The following TNNI3K variants were observed in gnomAD, a reference collection of about 807,000 sequenced individuals.
TNNI3K encodes the protein TNNI3 interacting kinase, also known as serine/threonine-protein kinase TNNI3K.
In TNNI3K, 140 loss-of-function variants were observed where a neutral mutation model predicts 114.5. The observed-to-expected ratio is 1.22, with a 90% CI of 1.07 to 1.41. The LOEUF is 1.41. Among genes scored for constraint, TNNI3K ranks in the 40% most tolerant of loss-of-function variants. The probability of loss-of-function intolerance (pLI) is 0.00; values close to 1 mark genes in which losing one functional copy is unlikely to be tolerated. For synonymous variants in TNNI3K, 347 were observed against 347.5 expected, an observed-to-expected ratio of 1.00 and a Z score of 0.02; for missense variants, 1,125 against 1,007.6, an observed-to-expected ratio of 1.12 and a Z score of -1.58.
At chr1:74,471,430 G>C (rs1667927519) in intron 21 of TNNI3K, 1 of 400,542 alleles carries the variant, frequency 2.5e-6, no homozygotes, top group Non-Finnish European at 4.4e-6. Context: ...GGATTTTTCT[G>C]GATGGACTCT....
At chr1:74,279,975 C>T (rs903094056) in intron 5 of TNNI3K, among the ~76,000 whole-genome samples, 1 of 152,124 alleles carries the variant, frequency 6.6e-6, no homozygotes, top group African/African-American at 2.4e-5. Context: ...CAGCAATCGT[C>T]CCCTTAACGC....
chr1:74,531,793 T>C (rs1436020784), intron 23 of TNNI3K, among the ~76,000 whole-genome samples: 1 of 152,216 alleles, frequency 6.6e-6, no homozygotes, highest in Non-Finnish European at 1.5e-5. Flanking sequence ...ATATTCCTCT[T>C]GAAGAAGGGG....
rs558782668 is a variant in TNNI3K, at chr1:74,417,108, C to T, written c.1773-18972C>T. On this transcript the variant is annotated intron_variant, in intron 17 of 24. Coordinates refer to ENST00000326637, the MANE Select transcript of TNNI3K (RefSeq NM_015978.3). ...AGATATCTTTTAAAAATTGAAATTT[C>T]AGAGAAAAGATGAAAGAGAGAGAAA... 3.9e-5 allele frequency among the ~76,000 whole-genome samples: 6 copies of T among 151,920 alleles called. No individual in the cohort carries two copies. In the South Asian group the frequency reaches 1.0e-3, roughly 26 times the overall value.
intron 17 of TNNI3K, among the ~76,000 whole-genome samples, chr1:74,391,957 ATTTTTTTTT>A (rs34656417): frequency 1.1e-5 from 1 of 92,990 alleles, no homozygotes; most frequent in Non-Finnish European, 2.2e-5. Flanking sequence ...ACAGCTTATT[ATTTTTTTTT>A]TTTTTTTTTT....
At chr1:74,480,391 G>A (rs1447110395) in intron 21 of TNNI3K, 1 of 717,586 alleles carries the variant, frequency 1.4e-6, no homozygotes, top group Non-Finnish European at 2.6e-6. Flanking sequence ...CAAGGGGATG[G>A]AGATCACAAG....
chr1:74,399,092 G>A (rs746355087), intron 17 of TNNI3K, among the ~76,000 whole-genome samples: 10 of 148,664 alleles, frequency 6.7e-5, no homozygotes, highest in East Asian at 4.0e-4. Context: ...GGAGGTGGAC[G>A]TTGCAGTGAG....
Position 74,445,300 on chromosome 1 carries a change from G to A in TNNI3K, c.2011+5678G>A, listed in dbSNP as rs12070786. On this transcript the variant is annotated intron_variant, in intron 20 of 24. Coordinates refer to ENST00000326637, the MANE Select transcript of TNNI3K (RefSeq NM_015978.3). ...TTAGTTACATATGTATACATGTGCC[G>A]TGCTGGTGCGCTGCACCCACTAACT... Among the ~76,000 whole-genome samples the A allele has an allele frequency of 5.9e-3, 843 of 141,966 alleles. 9 individuals are homozygous for A. The highest frequency in any genetic ancestry group is 0.021 in the African/African-American group (775 of 37,378). 93.1% of individuals were successfully genotyped at this position (141,966 alleles called of 152,430 possible). A position where few individuals can be genotyped will look rare whatever the true frequency, so the allele number is the denominator to read the frequency against.
chr1:74,443,534 A>G (rs1260671582), intron 20 of TNNI3K, among the ~76,000 whole-genome samples: 1 of 152,166 alleles, frequency 6.6e-6, no homozygotes, highest in Non-Finnish European at 1.5e-5. Flanking sequence ...ATCAACAAAA[A>G]AAAGCCCAGG....
At chr1:74,338,715 C>T (rs1366113029) in intron 7 of TNNI3K, among the ~76,000 whole-genome samples, 4 of 152,134 alleles carry the variant, frequency 2.6e-5, no homozygotes, top group East Asian at 1.9e-4. Flanking sequence ...TAGAGACAAC[C>T]GTGGCAAGAG....
chr1:74,386,519 T>C (rs1022345597), intron 17 of TNNI3K, among the ~76,000 whole-genome samples: 1 of 152,096 alleles, frequency 6.6e-6, no homozygotes, highest in Non-Finnish European at 1.5e-5. Flanking sequence ...AAAAATACAA[T>C]AAATTAATTA....
At chr1:74,314,631 G>C (rs377654554) in intron 5 of TNNI3K, among the ~76,000 whole-genome samples, 35 of 152,120 alleles carry the variant, frequency 2.3e-4, no homozygotes, top group African/African-American at 7.5e-4. Flanking sequence ...GCAACTGCTT[G>C]GGTTGCACAA....
At chr1:74,256,611 TTTTTG>T (rs1655330137) in intron 4 of TNNI3K, among the ~76,000 whole-genome samples, 4 of 151,926 alleles carry the variant, frequency 2.6e-5, no homozygotes, top group African/African-American at 9.7e-5. Context: ...GAGTAAAAGG[TTTTTG>T]CATTATTTTT....
chr1:74,518,248 G>C lies in TNNI3K; in HGVS notation c.2352-21986G>C, dbSNP rs150604107. On this transcript the variant is annotated intron_variant, in intron 23 of 24. Transcript: ENST00000326637. ...GTCAGATGTGACAGTCTGCTTTTCA[G>C]TCTGGATGGCTAGAAGAATCATTAG... Among the ~76,000 whole-genome samples, 435 of 152,312 alleles carry C rather than the reference G, an allele frequency of 2.9e-3. 3 individuals carry two copies. The highest frequency in any genetic ancestry group is 9.7e-3 in the African/African-American group (404 of 41,572).
At chr1:74,523,316 T>G (rs901339933) in intron 23 of TNNI3K, among the ~76,000 whole-genome samples, 8 of 152,214 alleles carry the variant, frequency 5.3e-5, no homozygotes, top group African/African-American at 1.9e-4. Context: ...TCTAAAGACA[T>G]GTATCATCAA....
At position 74,540,430 on chromosome 1, in the gene TNNI3K, A is replaced by G. The variant is rs1646713013; in HGVS notation, c.2431+117A>G. 27 of 944,676 alleles carry G rather than the reference A, an allele frequency of 2.9e-5. No homozygotes were observed. In the South Asian group the frequency reaches 4.2e-4, roughly 15 times the overall value. The allele number at this position is 944,676 out of a possible 1,614,324, so 58.5% of individuals were successfully genotyped here. A position where few individuals can be genotyped will look rare whatever the true frequency, so the allele number is the denominator to read the frequency against. On this transcript the variant is annotated intron_variant, in intron 24 of 24. Coordinates refer to ENST00000326637, the MANE Select transcript of TNNI3K (RefSeq NM_015978.3). ...TAATATCCAAAATGACAGATGCTTT[A>G]AAAATATAAAAGTATAAAATTTGAT...
intron 7 of TNNI3K, among the ~76,000 whole-genome samples, chr1:74,342,464 C>G (rs146311090): frequency 1.3e-5 from 2 of 152,170 alleles, no homozygotes; most frequent in East Asian, 3.9e-4. Flanking sequence ...GTGCTGTGGC[C>G]AGGATCTGTA....
chr1:74,452,897 T>C (rs1340264185), intron 20 of TNNI3K, among the ~76,000 whole-genome samples: 1 of 152,152 alleles, frequency 6.6e-6, no homozygotes, highest in African/African-American at 2.4e-5. Flanking sequence ...CACATTAGTC[T>C]CTTTGTCAGA....
At chr1:74,460,628 T>G (rs1667418567) in intron 20 of TNNI3K, among the ~76,000 whole-genome samples, 1 of 152,240 alleles carries the variant, frequency 6.6e-6, no homozygotes, top group Non-Finnish European at 1.5e-5. Flanking sequence ...CCTGAATCTG[T>G]AATACCAGAA....
At chr1:74,245,446 C>G (rs1363893091) in intron 2 of TNNI3K, among the ~76,000 whole-genome samples, 1 of 152,148 alleles carries the variant, frequency 6.6e-6, no homozygotes, top group Non-Finnish European at 1.5e-5. Context: ...GTCCACGGTG[C>G]TCCCAGGACA....
Sources: allele counts gnomAD v4.1 joint callset (sites outside exome capture counted in the v4.1 genomes callset), GRCh38; gene constraint gnomAD v4.1.1; transcripts MANE v1.5; gene names NCBI Gene and HGNC (gene_info 2026-07-23, HGNC 2026-07-21).